Variants in ESR1 observed in about 807,000 individuals in gnomAD.
The protein encoded by ESR1 is estrogen receptor.
Under a neutral mutation model 52.7 loss-of-function variants are expected in ESR1, and 12 were observed. The observed-to-expected ratio is 0.23, with a 90% CI of 0.15 to 0.37. The LOEUF (loss-of-function observed/expected upper bound fraction) is 0.37. Ranked by LOEUF, ESR1 falls within the 10% of genes least tolerant of loss-of-function variation. The pLI, the probability that ESR1 is intolerant of heterozygous loss-of-function variation, is 1.00. For missense variants in ESR1, 584 were observed against 779.7 expected, an observed-to-expected ratio of 0.75 and a Z score of 2.99; for synonymous variants, 305 against 316.8, an observed-to-expected ratio of 0.96 and a Z score of 0.39.
chr6:151,899,956 C>T (rs985828670), intron 3 of ESR1, among the ~76,000 whole-genome samples: 78 of 152,006 alleles, frequency 5.1e-4, no homozygotes, highest in African/African-American at 1.4e-3. Flanking sequence ...CAGACGATGG[C>T]GGCCAGGCAG....
intron 3 of ESR1, among the ~76,000 whole-genome samples, chr6:151,900,659 T>G (rs1796534635): frequency 1.3e-5 from 2 of 152,220 alleles, no homozygotes; most frequent in African/African-American, 4.8e-5. Context: ...ACTCTCCCCC[T>G]TTTCTTAGAG....
At chr6:151,825,691 C>A (rs1176740525) in intron 1 of ESR1, among the ~76,000 whole-genome samples, 1 of 151,946 alleles carries the variant, frequency 6.6e-6, no homozygotes, top group Non-Finnish European at 1.5e-5. Context: ...GCAGGTGGAC[C>A]ACCTGAGGTC....
rs1397883286 is a variant in ESR1 at position 151,808,148 on chromosome 6, C to A, written c.236C>A (p.Pro79His). ...NAQVYGQTGL[P>H]YGPGSEAAAF... is the part of the protein sequence containing the mutation. ...CAGGTCTACGGTCAGACCGGCCTCC[C>A]CTACGGCCCCGGGTCTGAGGCTGCG... is the stretch of plus-strand genomic sequence containing the variant. Residue 79 changes from proline to histidine, a missense_variant, in exon 1 of 8, where the codon CCC becomes CAC. Transcript: ENST00000206249. 1 of 1,600,374 alleles carries A rather than the reference C, an allele frequency of 6.2e-7. No homozygotes were observed. Among genetic ancestry groups the A allele is most frequent in the Admixed American group, 1.7e-5 (1 of 58,284 alleles).
At chr6:151,970,276 G>T (rs2038770395) in intron 4 of ESR1, among the ~76,000 whole-genome samples, 1 of 152,092 alleles carries the variant, frequency 6.6e-6, no homozygotes, top group African/African-American at 2.4e-5. Flanking sequence ...TTCTGTCACA[G>T]GTTCCTCTCC....
chr6:151,671,060 A>T (rs1778040006), intron 1 of ESR1, among the ~76,000 whole-genome samples: 1 of 152,100 alleles, frequency 6.6e-6, no homozygotes, highest in African/African-American at 2.4e-5. Flanking sequence ...GAGCCACTGC[A>T]CCTGGCCGGA....
chr6:151,843,925 T>A (rs942343002), intron 2 of ESR1, among the ~76,000 whole-genome samples: 5 of 150,360 alleles, frequency 3.3e-5, no homozygotes, highest in African/African-American at 9.7e-5. Context: ...TTTTTTTTTT[T>A]AAAAGCTGTT....
At chr6:151,777,191 C>T (rs138017843) in intron 2 of ESR1, among the ~76,000 whole-genome samples, 1 of 141,044 alleles carries the variant, frequency 7.1e-6, no homozygotes, top group African/African-American at 2.7e-5. Flanking sequence ...GATCTCGGCT[C>T]ACTGCAACCT....
intron 1 of ESR1, among the ~76,000 whole-genome samples, chr6:151,672,628 C>A (rs538478943): frequency 6.7e-6 from 1 of 150,014 alleles, no homozygotes; most frequent in Non-Finnish European, 1.5e-5. Context: ...TGAGCCACTG[C>A]GCCAGGTCAT....
At chr6:151,788,161 G>A (rs1281747108) in intron 2 of ESR1, among the ~76,000 whole-genome samples, 1 of 152,138 alleles carries the variant, frequency 6.6e-6, no homozygotes, top group Non-Finnish European at 1.5e-5. Flanking sequence ...ACTATCAACA[G>A]AGTAAACAGA....
At chr6:151,766,696 C>T (rs1785082678) in intron 2 of ESR1, among the ~76,000 whole-genome samples, 1 of 152,038 alleles carries the variant, frequency 6.6e-6, no homozygotes, top group Non-Finnish European at 1.5e-5. Context: ...TTAATATACT[C>T]TTTAGTTCTT....
chr6:152,125,231 T>C lies in ESR1; in HGVS notation c.851-35T>C, dbSNP rs557114221. On this transcript the variant is annotated intron_variant, in intron 6 of 6. Coordinates refer to the ESR1 transcript ENST00000427531. ...TTTTGCTGGTTGGTGATAGGAATAA[T>C]GGTAATGGTAATTCAGGTCGTATTC... 7 of 1,546,748 alleles carry C rather than the reference T, an allele frequency of 4.5e-6. No individual in the cohort carries two copies. In the East Asian group the frequency reaches 9.8e-5, roughly 22 times the overall value.
intron 2 of ESR1, among the ~76,000 whole-genome samples, chr6:151,782,158 C>G (rs902145454): frequency 6.6e-6 from 1 of 152,016 alleles, no homozygotes; most frequent in Admixed American, 6.6e-5. Context: ...CAATCAACAA[C>G]CTGTTGGAGT....
At chr6:152,111,744 G>A (rs2051138694) in intron 6 of ESR1, among the ~76,000 whole-genome samples, 2 of 152,132 alleles carry the variant, frequency 1.3e-5, no homozygotes, top group South Asian at 4.1e-4. Flanking sequence ...GAACCGTGTC[G>A]CTGTCTCGGT....
intron 3 of ESR1, among the ~76,000 whole-genome samples, chr6:151,935,085 G>A (rs2034194440): frequency 6.6e-6 from 1 of 152,146 alleles, no homozygotes; most frequent in Non-Finnish European, 1.5e-5. Context: ...AGCTTCCTTG[G>A]CTGTAATAAG....
In ESR1 at chr6:152,098,811, G is replaced by A. The variant is rs2152506653; in HGVS notation, c.1633G>A (p.Asp545Asn). Reference sequence around the variant, plus strand: ...CTATGACCTGCTGCTGGAGATGCTGGACGCCCACCGCCTACATGCGCCCAC... The same window carrying A: ...CTATGACCTGCTGCTGGAGATGCTGAACGCCCACCGCCTACATGCGCCCAC... Reference protein sequence around the residue: ...PLYDLLLEMLDAHRLHAPTSR... With the variant: ...PLYDLLLEMLNAHRLHAPTSR... The change falls in exon 8 of 8, where the codon GAC becomes AAC. Residue 545 changes from aspartate (D) to asparagine (N), a missense_variant. Physicochemically the swap from Asp to Asn is conservative, Grantham distance 23 (BLOSUM62 1). Around this residue, in one of 6 missense-constraint regions of ESR1, gnomAD observed 141 missense variants for 289.3 expected, o/e 0.49. Coordinates refer to ENST00000206249, the MANE Select transcript of ESR1 (RefSeq NM_000125.4). The surrounding 1 kb of genome is among the most constrained non-coding windows in gnomAD (Gnocchi z 5.1). The A allele has an allele frequency of 1.2e-6, 2 of 1,614,196 alleles. No individual in the cohort carries two copies. Among genetic ancestry groups the A allele is most frequent in the Non-Finnish European group, 1.7e-6 (2 of 1,180,046 alleles).
intron 3 of ESR1, among the ~76,000 whole-genome samples, chr6:151,916,965 G>A (rs1487768875): frequency 2.0e-5 from 3 of 152,118 alleles, no homozygotes; most frequent in Admixed American, 6.5e-5. Context: ...AATCTCCAGC[G>A]AGCATGAACT....
At chr6:151,793,850 C>T (rs939821676) in intron 2 of ESR1, among the ~76,000 whole-genome samples, 1 of 152,196 alleles carries the variant, frequency 6.6e-6, no homozygotes, top group Admixed American at 6.5e-5. Flanking sequence ...GTGACATATC[C>T]TGTAATAGCT....
chr6:151,917,387 C>T (rs1391702459), intron 3 of ESR1, among the ~76,000 whole-genome samples: 2 of 152,270 alleles, frequency 1.3e-5, no homozygotes, highest in Admixed American at 6.5e-5. Context: ...AATATGTATT[C>T]CCTTTCTTCT....
chr6:152,020,179 A>T (rs371423656), intron 5 of ESR1, among the ~76,000 whole-genome samples: 40 of 152,328 alleles, frequency 2.6e-4, no homozygotes, highest in African/African-American at 9.1e-4. Flanking sequence ...ATATGAATTC[A>T]TTCTTGACAT....
Sources: gnomAD v4.1 joint callset for allele counts (sites outside exome capture counted in the v4.1 genomes callset) on GRCh38, gnomAD v4.1.1 for gene constraint, gnomAD v4.1.1 regional missense constraint, Gnocchi (gnomAD v3.1) non-coding constraint, MANE v1.5 for transcripts, NCBI Gene and HGNC (gene_info 2026-07-23, HGNC 2026-07-21) for gene names.